DLGAP2: variants seen among roughly 807,000 people sequenced by gnomAD.
DLGAP2 encodes DLG associated protein 2.
In DLGAP2, 26 loss-of-function variants were observed where a neutral mutation model predicts 100.3. The observed-to-expected ratio is 0.26, with a 90% confidence interval of 0.19 to 0.36. DLGAP2 has a LOEUF of 0.36. Among genes scored for constraint, DLGAP2 ranks in the 10% least tolerant of loss-of-function variants. The pLI, the probability that DLGAP2 is intolerant of heterozygous loss-of-function variation, is 1.00. For missense variants in DLGAP2, 1,858 were observed against 1,453.2 expected, an observed-to-expected ratio of 1.28 and a Z score of -4.53; for synonymous variants, 886 against 630.1, an observed-to-expected ratio of 1.41 and a Z score of -6.08.
At chr8:753,360 T>C (rs1225518820) in intron 1 of DLGAP2, 1 of 152,256 alleles carries the variant, frequency 6.6e-6, no homozygotes, top group Non-Finnish European at 1.5e-5. Context: ...CTGGTGGGTT[T>C]GTTTTGAAGC....
At chr8:1,471,794 T>G (rs1481319807) in intron 3 of DLGAP2, among the ~76,000 whole-genome samples, 1 of 152,188 alleles carries the variant, frequency 6.6e-6, no homozygotes, top group Non-Finnish European at 1.5e-5. Context: ...ATCCCACCTT[T>G]GTGGCTAAAG....
At chr8:1,114,402 C>A (rs1004227282) in intron 2 of DLGAP2, among the ~76,000 whole-genome samples, 1 of 152,110 alleles carries the variant, frequency 6.6e-6, no homozygotes, top group African/African-American at 2.4e-5. Context: ...CTCAAGGAAT[C>A]AGCTTCTTCC....
chr8:1,023,804 A>G (rs987357849), intron 2 of DLGAP2, among the ~76,000 whole-genome samples: 1 of 150,222 alleles, frequency 6.7e-6, no homozygotes, highest in African/African-American at 2.5e-5. Flanking sequence ...GTCTGTGTTG[A>G]TATTTTCAAA....
intron 3 of DLGAP2, among the ~76,000 whole-genome samples, chr8:1,432,164 A>C (rs6993977): frequency 0.21 from 32,024 of 151,650 alleles, 3,814 homozygotes; most frequent in Middle Eastern, 0.29. Flanking sequence ...CATACTCATA[A>C]GGAAACAAGT....
chr8:1,483,290 C>G (rs981010121), intron 3 of DLGAP2, among the ~76,000 whole-genome samples: 14 of 152,214 alleles, frequency 9.2e-5, no homozygotes, highest in Admixed American at 7.2e-4. Flanking sequence ...CCTCTAGACT[C>G]TGCCCCACGC....
intron 10 of DLGAP2, among the ~76,000 whole-genome samples, chr8:1,675,457 A>G (rs983528424): frequency 2.6e-5 from 4 of 152,226 alleles, no homozygotes; most frequent in East Asian, 1.9e-4. Flanking sequence ...TACGCACCAA[A>G]TAAGTCTTCG....
chr8:1,572,542 C>T (rs1337461202), intron 6 of DLGAP2, among the ~76,000 whole-genome samples: 161 of 58,572 alleles, frequency 2.7e-3, no homozygotes, highest in East Asian at 5.6e-3. Flanking sequence ...ACTGTGGGGG[C>T]GTCTGATGAG....
intron 3 of DLGAP2, among the ~76,000 whole-genome samples, chr8:1,335,439 A>T (rs985575765): frequency 6.6e-6 from 1 of 152,228 alleles, no homozygotes; most frequent in South Asian, 2.1e-4. Flanking sequence ...CTGTGTCCAG[A>T]GACCCAAAAC....
chr8:1,332,427 GTA>G (rs1044318805), intron 3 of DLGAP2, among the ~76,000 whole-genome samples: 6 of 152,026 alleles, frequency 3.9e-5, no homozygotes, highest in African/African-American at 7.3e-5. Flanking sequence ...GTGTGTCAGT[GTA>G]TATATGTCTG....
intron 7 of DLGAP2, among the ~76,000 whole-genome samples, chr8:1,630,527 C>G (rs1173247823): frequency 6.6e-6 from 1 of 151,966 alleles, no homozygotes; most frequent in African/African-American, 2.4e-5. Context: ...ATGGTGAAAC[C>G]TCGTCTCTAC....
chr8:1,298,642 G>C (rs1800252213), intron 3 of DLGAP2, among the ~76,000 whole-genome samples: 1 of 152,134 alleles, frequency 6.6e-6, no homozygotes, highest in African/African-American at 2.4e-5. Flanking sequence ...CTGAGCGTGT[G>C]GGACGGCTCA....
chr8:1,585,669 C>A (rs1240982376), intron 6 of DLGAP2, among the ~76,000 whole-genome samples: 1 of 152,194 alleles, frequency 6.6e-6, no homozygotes, highest in South Asian at 2.1e-4. Flanking sequence ...CCTAGAGATG[C>A]GTCTCTGGAA....
At chr8:823,348 G>A (rs568506362) in intron 1 of DLGAP2, among the ~76,000 whole-genome samples, 4 of 151,618 alleles carry the variant, frequency 2.6e-5, no homozygotes, top group Non-Finnish European at 5.9e-5. Flanking sequence ...ATTGATATCT[G>A]CTTTCCCCCT....
At chr8:1,453,932 G>A (rs1236083760) in intron 3 of DLGAP2, among the ~76,000 whole-genome samples, 1 of 152,248 alleles carries the variant, frequency 6.6e-6, no homozygotes, top group African/African-American at 2.4e-5. Flanking sequence ...GTCTTGGAAT[G>A]TGGACATGTG....
At chr8:737,856 G>A (rs1391750651) in intron 1 of DLGAP2, 31 bp downstream of exon 1, 3 of 375,912 alleles carry the variant, frequency 8.0e-6, no homozygotes, top group Admixed American at 9.2e-5. Context: ...CCGGGAGCCG[G>A]GCGCGGGGCT....
chr8:1,118,567 T>A (rs891576575), intron 2 of DLGAP2, among the ~76,000 whole-genome samples: 1 of 152,154 alleles, frequency 6.6e-6, no homozygotes, highest in Non-Finnish European at 1.5e-5. Context: ...CTGCTGCTGC[T>A]GCTTTCTTTT....
intron 2 of DLGAP2, among the ~76,000 whole-genome samples, chr8:1,026,118 G>C (rs1801792230): frequency 6.6e-6 from 1 of 152,186 alleles, no homozygotes; most frequent in South Asian, 2.1e-4. Flanking sequence ...TGCCAGTCTG[G>C]CGTCCTCGAA....
In DLGAP2 at chr8:868,732, C is replaced by G. The variant is rs189352785; in HGVS notation, c.19-39180C>G. On this transcript the variant is annotated intron_variant, in intron 1 of 14. Coordinates refer to ENST00000637795, the MANE Select transcript of DLGAP2 (RefSeq NM_001346810.2). ...AGGCGTCTGCAGCCCTGTCTGTCAC[C>G]TTGGAGTCCTCTTGCACAAACAGTG... Among the ~76,000 whole-genome samples the G allele has an allele frequency of 6.9e-3, 1,058 of 152,302 alleles. 13 individuals are homozygous for G. The highest frequency in any genetic ancestry group is 7.2e-3 in the Non-Finnish European group (487 of 68,036).
intron 2 of DLGAP2, among the ~76,000 whole-genome samples, chr8:928,128 C>T (rs1197402548): frequency 2.0e-5 from 3 of 152,212 alleles, no homozygotes; most frequent in African/African-American, 7.2e-5. Context: ...CTGAAGCCAC[C>T]TCCTAGGAGA....
Sources: gnomAD v4.1 joint callset for allele counts (sites outside exome capture counted in the v4.1 genomes callset) on GRCh38, gnomAD v4.1.1 for gene constraint, MANE v1.5 for transcripts, NCBI Gene and HGNC (gene_info 2026-07-23, HGNC 2026-07-21) for gene names.